Variants in TSEN2 observed in about 807,000 individuals in gnomAD.
TSEN2 encodes tRNA splicing endonuclease subunit 2.
A neutral mutation model predicts 59.2 loss-of-function variants in TSEN2; 54 were observed. The ratio of observed to expected loss-of-function variants is 0.91; its 90% CI spans 0.73 to 1.14. TSEN2 has a LOEUF of 1.14. Among genes scored for constraint, TSEN2 ranks in the 50% most tolerant of loss-of-function variants. The pLI is 0.00. For missense variants in TSEN2, 636 were observed against 576.2 expected, an observed-to-expected ratio of 1.10 and a Z score of -1.06; for synonymous variants, 195 against 198.2, an observed-to-expected ratio of 0.98 and a Z score of 0.14.
rs1575485783 is a variant in TSEN2 at position 12,533,596 on chromosome 3, G to A, written c.*875G>A. 1 of 149,644 alleles carries A rather than the reference G, an allele frequency of 6.7e-6. No individual in the cohort carries two copies. The highest frequency in any genetic ancestry group is 6.7e-5 in the Admixed American group (1 of 14,826). 9.3% of individuals were successfully genotyped at this position (149,644 alleles called of 1,614,324 possible). Reference sequence around the variant, plus strand: ...GATCGCTTGAGCCCAGGAGGAAGAGGTTGCAGTGAGCGGAGATTGTGCCAC... The same window carrying A: ...GATCGCTTGAGCCCAGGAGGAAGAGATTGCAGTGAGCGGAGATTGTGCCAC... On this transcript the variant is annotated 3_prime_UTR_variant, in exon 12 of 12. Transcript: ENST00000284995.
intron 9 of TSEN2, 110 bp from the exon 10 acceptor site, chr3:12,529,652 A>T (rs1303802827): frequency 1.3e-5 from 12 of 952,812 alleles, no homozygotes; most frequent in Non-Finnish European, 1.9e-5. Flanking sequence ...ATTTAGAATC[A>T]GATGATGCAA....
intron 1 of TSEN2, among the ~76,000 whole-genome samples, chr3:12,486,851 G>A (rs1184180288): frequency 1.3e-5 from 2 of 152,168 alleles, no homozygotes; most frequent in Non-Finnish European, 2.9e-5. Flanking sequence ...TTCAGGTGTT[G>A]AAGAATGTAT....
At chr3:12,535,744 C>CT (rs1482485508), downstream of TSEN2, among the ~76,000 whole-genome samples, 1 of 152,176 alleles carries the variant, frequency 6.6e-6, no homozygotes, top group Non-Finnish European at 1.5e-5. Context: ...GTTGGCCAGA[C>CT]TGGTCTCGAA....
intron 1 of TSEN2, among the ~76,000 whole-genome samples, chr3:12,489,525 C>T (rs902638881): frequency 4.6e-5 from 7 of 152,088 alleles, no homozygotes; most frequent in Non-Finnish European, 8.8e-5. Context: ...TAGGTCTCAG[C>T]GTTGTCAGCT....
intron 5 of TSEN2, among the ~76,000 whole-genome samples, chr3:12,504,719 G>A (rs2054631017): frequency 6.6e-6 from 1 of 152,104 alleles, no homozygotes; most frequent in Non-Finnish European, 1.5e-5. Flanking sequence ...TTCCACACAA[G>A]TAATAAAAAA....
chr3:12,535,729 A>G (rs2057660093), downstream of TSEN2, among the ~76,000 whole-genome samples: 1 of 152,132 alleles, frequency 6.6e-6, no homozygotes, highest in Non-Finnish European at 1.5e-5. Context: ...ACAGGGTTTC[A>G]CCATGTTGGC....
intron 6 of TSEN2, among the ~76,000 whole-genome samples, chr3:12,506,060 C>T (rs1199296849): frequency 6.6e-6 from 1 of 152,110 alleles, no homozygotes; most frequent in African/African-American, 2.4e-5. Flanking sequence ...AAGTGGATTT[C>T]GGATTGGCTG....
chr3:12,487,357 G>T (rs191763317), intron 1 of TSEN2, among the ~76,000 whole-genome samples: 49 of 152,334 alleles, frequency 3.2e-4, no homozygotes, highest in African/African-American at 1.1e-3. Flanking sequence ...TCGATCAAGT[G>T]TCACAGCTAA....
At position 12,516,795 on chromosome 3, in the gene TSEN2, A is replaced by C. The variant is rs531981000; in HGVS notation, c.960+134A>C. 7 of 999,244 alleles carry C rather than the reference A, an allele frequency of 7.0e-6. No homozygotes were observed. In the African/African-American group the frequency reaches 1.1e-4, roughly 16 times the overall value. 61.9% of individuals were successfully genotyped at this position (999,244 alleles called of 1,614,324 possible). ...TAAAATAGGAATTGAATTTTTCTCT[A>C]AAGTTTTGGATTTGGGTCCTGAGGT... On this transcript the variant is annotated intron_variant, in intron 7 of 11. Transcript: ENST00000284995.
intron 8 of TSEN2, among the ~76,000 whole-genome samples, chr3:12,523,804 T>A (rs1332575015): frequency 2.6e-5 from 4 of 152,082 alleles, no homozygotes; most frequent in Non-Finnish European, 5.9e-5. Flanking sequence ...CCTCCCAAAG[T>A]GCTGGAATTA....
At chr3:12,522,217 G>T (rs2056704671) in intron 8 of TSEN2, among the ~76,000 whole-genome samples, 1 of 152,048 alleles carries the variant, frequency 6.6e-6, no homozygotes, top group Admixed American at 6.6e-5. Context: ...TTAATTTAAA[G>T]ATATTCTGCC....
intron 6 of TSEN2, among the ~76,000 whole-genome samples, chr3:12,508,156 G>A (rs750318568): frequency 5.9e-5 from 9 of 152,184 alleles, no homozygotes; most frequent in Non-Finnish European, 1.2e-4. Context: ...AGGGTATTCC[G>A]TGTCAGATGC....
At chr3:12,488,882 A>G (rs1394399462) in intron 1 of TSEN2, among the ~76,000 whole-genome samples, 7 of 152,234 alleles carry the variant, frequency 4.6e-5, no homozygotes, top group Non-Finnish European at 8.8e-5. Context: ...CGATGCCACC[A>G]CACTCGGGGT....
chr3:12,500,438 A>C (rs971586752), intron 4 of TSEN2, among the ~76,000 whole-genome samples: 7 of 151,702 alleles, frequency 4.6e-5, no homozygotes, highest in African/African-American at 1.5e-4. Flanking sequence ...CTGGTATGTG[A>C]CAGAAGGCAC....
intron 2 of TSEN2, 33 bp downstream of exon 2, chr3:12,490,022 C>G: frequency 6.2e-7 from 1 of 1,604,268 alleles, no homozygotes; most frequent in Non-Finnish European, 8.5e-7. Flanking sequence ...AGATTACTTT[C>G]AGACAACCCT....
chr3:12,530,466 T>G, intron 10 of TSEN2: 1 of 985,534 alleles, frequency 1.0e-6, no homozygotes, highest in Non-Finnish European at 1.2e-6. Flanking sequence ...CGTGTTGCCA[T>G]CAGAGATAGG....
chr3:12,531,730 T>C (rs35848823), intron 11 of TSEN2, 71 bp downstream of exon 11: 110 of 1,074,308 alleles, frequency 1.0e-4, no homozygotes, highest in Non-Finnish European at 1.4e-4. Context: ...GAACATGTGG[T>C]CCCAAGAAAA....
intron 10 of TSEN2, chr3:12,539,099 C>G (rs996369360): frequency 4.7e-6 from 2 of 421,676 alleles, no homozygotes; most frequent in Admixed American, 6.0e-5. Context: ...GTTTTTTTTA[C>G]TGTTGTTCAC....
Position 12,519,200 on chromosome 3 carries a change from A to G in TSEN2, c.1099+3A>G. 6.2e-7 allele frequency: 1 copy of G among 1,614,208 alleles called. No homozygotes were observed. The highest frequency in any genetic ancestry group is 8.5e-7 in the Non-Finnish European group (1 of 1,180,034). Reference sequence around the variant, plus strand: ...ACTCAAGTACGGGACAGATTTACGTAAGTAATTCTTGGCGTGGTGTGTGTG... The same window carrying G: ...ACTCAAGTACGGGACAGATTTACGTGAGTAATTCTTGGCGTGGTGTGTGTG... On this transcript the variant is annotated splice_donor_region_variant and intron_variant, in intron 8 of 11. Coordinates refer to ENST00000284995, the MANE Select transcript of TSEN2 (RefSeq NM_025265.4).
Sources: gnomAD v4.1 joint callset for allele counts (sites outside exome capture counted in the v4.1 genomes callset) on GRCh38, gnomAD v4.1.1 for gene constraint, MANE v1.5 for transcripts, NCBI Gene and HGNC (gene_info 2026-07-23, HGNC 2026-07-21) for gene names.